The following DTNA variants were observed in gnomAD, a reference collection of about 807,000 sequenced individuals.
DTNA encodes the protein dystrobrevin alpha.
A neutral mutation model predicts 100.7 loss-of-function variants in DTNA; 43 were observed. The observed-to-expected ratio is 0.43, with a 90% CI of 0.33 to 0.55. The LOEUF (loss-of-function observed/expected upper bound fraction) is 0.55. Ranked by LOEUF, DTNA falls within the 20% of genes least tolerant of loss-of-function variation. The probability of loss-of-function intolerance (pLI) is 0.04; values close to 1 mark genes in which losing one functional copy is unlikely to be tolerated. For synonymous variants in DTNA, 349 were observed against 347.9 expected, an observed-to-expected ratio of 1.00 and a Z score of -0.04; for missense variants, 798 against 953.9, an observed-to-expected ratio of 0.84 and a Z score of 2.15.
At position 34,891,090 on chromosome 18, in the gene DTNA, C is replaced by A. The variant is rs1213441947; in HGVS notation, c.*3356C>A. ...TTGAACCAAAAAGAGAAAAAAAAAT[C>A]AGAAGTGTTGCATCTTGAGGCGAAT... On this transcript the variant is annotated 3_prime_UTR_variant, in exon 23 of 23. Transcript: ENST00000444659. 6.6e-6 allele frequency: 1 copy of A among 152,360 alleles called. No individual in the cohort carries two copies. The allele number at this position is 152,360 out of a possible 1,614,324, so 9.4% of individuals were successfully genotyped here. A position where few individuals can be genotyped will look rare whatever the true frequency, so the allele number is the denominator to read the frequency against.
At chr18:34,508,669 A>G (rs1434595382) in intron 1 of DTNA, among the ~76,000 whole-genome samples, 2 of 152,194 alleles carry the variant, frequency 1.3e-5, no homozygotes, top group Non-Finnish European at 2.9e-5. Context: ...TTGTATTTTA[A>G]GGACAGTATT....
intron 1 of DTNA, chr18:34,662,997 G>GA (rs1345424631): frequency 6.6e-6 from 1 of 152,120 alleles, no homozygotes; most frequent in Non-Finnish European, 1.5e-5. Context: ...AAAACTGCTG[G>GA]AATCTATTAC....
intron 4 of DTNA, among the ~76,000 whole-genome samples, chr18:34,801,408 A>C (rs1320706502): frequency 6.6e-6 from 1 of 152,156 alleles, no homozygotes; most frequent in Non-Finnish European, 1.5e-5. Flanking sequence ...AAAGACTATA[A>C]TGGAGAAAAT....
At chr18:34,790,511 A>G (rs1334350598) in intron 3 of DTNA, among the ~76,000 whole-genome samples, 1 of 143,752 alleles carries the variant, frequency 7.0e-6, no homozygotes, top group Non-Finnish European at 1.5e-5. Flanking sequence ...TTAGATTTCA[A>G]ATTAATGGGA....
chr18:34,564,471 G>A (rs2146288416), intron 1 of DTNA, among the ~76,000 whole-genome samples: 1 of 152,306 alleles, frequency 6.6e-6, no homozygotes, highest in Non-Finnish European at 1.5e-5. Flanking sequence ...TCTTTGAAGA[G>A]TCTAAGTTCA....
intron 1 of DTNA, among the ~76,000 whole-genome samples, chr18:34,697,898 G>A (rs545122360): frequency 2.0e-5 from 3 of 152,130 alleles, no homozygotes; most frequent in Non-Finnish European, 1.5e-5. Flanking sequence ...ACAGGAAGGT[G>A]ACAATCCACT....
At chr18:34,669,571 T>C (rs957152107) in intron 1 of DTNA, among the ~76,000 whole-genome samples, 2 of 152,226 alleles carry the variant, frequency 1.3e-5, no homozygotes, top group African/African-American at 4.8e-5. Context: ...GTAACAGTTG[T>C]CCCTTTCCAT....
chr18:34,863,467 C>A (rs746433021), intron 16 of DTNA, among the ~76,000 whole-genome samples: 1 of 152,230 alleles, frequency 6.6e-6, no homozygotes, highest in Non-Finnish European at 1.5e-5. Context: ...GTTAATATCT[C>A]ACCTCTGAGA....
intron 1 of DTNA, among the ~76,000 whole-genome samples, chr18:34,701,421 G>T (rs544289544): frequency 6.6e-6 from 1 of 152,012 alleles, no homozygotes; most frequent in Non-Finnish European, 1.5e-5. Context: ...ATAGAAGCAC[G>T]CTCACATGGT....
chr18:34,726,435 G>A (rs994264020), intron 1 of DTNA, among the ~76,000 whole-genome samples: 2 of 152,104 alleles, frequency 1.3e-5, no homozygotes, highest in African/African-American at 4.8e-5. Context: ...GAGACTCAAG[G>A]CAAGTCCTTC....
At position 34,765,983 on chromosome 18, in the gene DTNA, C is replaced by T; in HGVS notation, c.90C>T (p.Ile30=). 1 of 1,613,782 alleles carries T rather than the reference C, an allele frequency of 6.2e-7. No homozygotes were observed. The highest frequency in any genetic ancestry group is 8.5e-7 in the Non-Finnish European group (1 of 1,179,756). Residue 30 remains isoleucine, a synonymous_variant, in exon 3 of 23, where the codon ATC becomes ATT. Transcript: ENST00000444659. ...AEMRAQDLDR[I]RLSTYRTACK... Reference sequence around the variant, plus strand: ...TAGGGGCTCAAGATCTGGATCGCATCCGACTCTCCACCTACAGAACAGCAT... The same window carrying T: ...TAGGGGCTCAAGATCTGGATCGCATTCGACTCTCCACCTACAGAACAGCAT...
intron 1 of DTNA, among the ~76,000 whole-genome samples, chr18:34,752,695 A>G (rs1390448897): frequency 6.6e-6 from 1 of 152,208 alleles, no homozygotes; most frequent in Admixed American, 6.5e-5. Context: ...GTATTATTTC[A>G]TACCACAGAG....
At chr18:34,848,432 G>A (rs2096418751) in intron 14 of DTNA, 49 bp downstream of exon 14, 2 of 1,563,790 alleles carry the variant, frequency 1.3e-6, no homozygotes, top group Non-Finnish European at 1.8e-6. Flanking sequence ...TGGGATCCTT[G>A]AATTTTATAT....
rs748607011 is a variant in DTNA, at chr18:34,794,242, G to A, written c.354G>A (p.Ala118=). ...ISLLLNFLLA[A]FDPEGHGKIS... The stretch of plus-strand genomic sequence containing the variant: ...TCCTCCTTAACTTCCTGCTTGCAGC[G>A]TTTGATCCGTAAGCACCCTCTGAAT... Residue 118 remains alanine, a synonymous_variant, in exon 4 of 23, where the codon GCG becomes GCA. Transcript: ENST00000444659. 1.8e-5 allele frequency: 29 copies of A among 1,613,766 alleles called. No homozygotes were observed. Among genetic ancestry groups the A allele is most frequent in the Middle Eastern group, 3.3e-4 (2 of 6,078 alleles).
intron 13 of DTNA, 142 bp downstream of exon 13, chr18:34,838,979 C>G (rs1287589983): frequency 2.7e-6 from 2 of 731,504 alleles, no homozygotes; most frequent in Non-Finnish European, 5.0e-6. Context: ...TAAGAAGTCT[C>G]TCGTGATGTT....
chr18:34,518,165 G>A (rs764351352), intron 1 of DTNA, among the ~76,000 whole-genome samples: 5 of 152,044 alleles, frequency 3.3e-5, no homozygotes, highest in East Asian at 1.9e-4. Context: ...TTTACTAAGC[G>A]TTTCCTTAAT....
At chr18:34,821,994 T>TG (rs994155235) in intron 9 of DTNA, among the ~76,000 whole-genome samples, 17 of 152,282 alleles carry the variant, frequency 1.1e-4, no homozygotes, top group Admixed American at 3.3e-4. Flanking sequence ...ATAAATACTT[T>TG]GGGGCTTTGT....
intron 1 of DTNA, among the ~76,000 whole-genome samples, chr18:34,669,471 G>A (rs568690129): frequency 5.9e-5 from 9 of 152,280 alleles, no homozygotes; most frequent in Non-Finnish European, 1.0e-4. Context: ...CTGTCATTGT[G>A]ATGTTAGCTG....
chr18:34,775,964 A>G (rs1164117756), intron 3 of DTNA, among the ~76,000 whole-genome samples: 1 of 152,234 alleles, frequency 6.6e-6, no homozygotes, highest in Non-Finnish European at 1.5e-5. Flanking sequence ...ATACACAGTA[A>G]AGCATGGACC....
Sources: allele counts gnomAD v4.1 joint callset (sites outside exome capture counted in the v4.1 genomes callset), GRCh38; gene constraint gnomAD v4.1.1; transcripts MANE v1.5; gene names NCBI Gene and HGNC (gene_info 2026-07-23, HGNC 2026-07-21).